The following IGHMBP2 variants were observed in gnomAD, a reference collection of about 807,000 sequenced individuals.
IGHMBP2 encodes DNA-binding protein SMUBP-2.
Under a neutral mutation model 96.0 loss-of-function variants are expected in IGHMBP2, and 81 were observed. That is an observed-to-expected ratio of 0.84 (90% CI 0.71 to 1.01). The LOEUF (loss-of-function observed/expected upper bound fraction) is 1.01. Ranked by LOEUF, IGHMBP2 falls within the 50% of genes least tolerant of loss-of-function variation. The pLI is 0.00. For synonymous variants in IGHMBP2, 557 were observed against 548.9 expected (o/e 1.01, Z -0.21); for missense variants, 1,227 against 1,306.3 (o/e 0.94, Z 0.94).
At chr11:68,924,539 A>C (rs1191809881) in intron 7 of IGHMBP2, among the ~76,000 whole-genome samples, 1 of 152,236 alleles carries the variant, frequency 6.6e-6, no homozygotes, top group Admixed American at 6.5e-5. Flanking sequence ...ATCTTTCTTC[A>C]GGCTCACGTG....
chr11:68,929,468 T>C (rs1352649157), intron 8 of IGHMBP2, 111 bp downstream of exon 8: 5 of 1,024,196 alleles, frequency 4.9e-6, no homozygotes, highest in Non-Finnish European at 7.3e-6. Context: ...GCCTCCTCGG[T>C]TTCTCGGCAC....
At position 68,936,223 on chromosome 11, in the gene IGHMBP2, C is replaced by T. The variant is rs1409670364; in HGVS notation, c.1757-14C>T. 1.2e-6 allele frequency: 2 copies of T among 1,613,628 alleles called. No homozygotes were observed. Among genetic ancestry groups the T allele is most frequent in the South Asian group, 1.1e-5 (1 of 91,074 alleles). On this transcript the variant is annotated splice_polypyrimidine_tract_variant and intron_variant, in intron 12 of 14. Transcript: ENST00000255078. ...TCTGAAACCTGCTTCTCACTCCCCT[C>T]TGGCCTTTTGTAGGTGAAGTTGGTT...
At chr11:68,906,415 C>T (rs1414811227) in intron 2 of IGHMBP2, 177 bp downstream of exon 2, 6 of 720,212 alleles carry the variant, frequency 8.3e-6, no homozygotes, top group Admixed American at 4.4e-5. Context: ...TCAGCGTTGT[C>T]CAAAATGGTA....
chr11:68,913,357 G>C (rs1208001615), intron 5 of IGHMBP2, among the ~76,000 whole-genome samples: 5 of 152,140 alleles, frequency 3.3e-5, no homozygotes, highest in African/African-American at 1.2e-4. Flanking sequence ...TATGCCTTTG[G>C]ACATGCCAGT....
rs546845157 is a variant in IGHMBP2 at position 68,935,295 on chromosome 11, T to G, written c.1633-4T>G. On this transcript the variant is annotated splice_polypyrimidine_tract_variant and splice_region_variant and intron_variant, in intron 11 of 14. Coordinates refer to ENST00000255078, the MANE Select transcript of IGHMBP2 (RefSeq NM_002180.3). ...AGGAAACCACAGCCCGGCTGGTGTT[T>G]CAGGTGGACCTGCTCAGACAGAGCC... is the stretch of plus-strand genomic sequence containing the variant. 6.2e-7 allele frequency: 1 copy of G among 1,613,918 alleles called. No homozygotes were observed. The highest frequency in any genetic ancestry group is 1.3e-5 in the African/African-American group (1 of 75,056).
chr11:68,930,079 C>T (rs1014783065), intron 8 of IGHMBP2: 13 of 1,167,068 alleles, frequency 1.1e-5, no homozygotes, highest in Admixed American at 4.0e-5. Context: ...GTGTGGCGGG[C>T]GTGCCCTCTC....
chr11:68,904,067 C>G (rs1489224294), intron 1 of IGHMBP2, 29 bp downstream of exon 1: 4 of 1,526,144 alleles, frequency 2.6e-6, no homozygotes, highest in Non-Finnish European at 2.7e-6. Context: ...GCCGCTCCCT[C>G]GCGGTCGGTC....
At chr11:68,914,777 G>A in intron 5 of IGHMBP2, 46 bp from the exon 6 acceptor site, 1 of 1,602,300 alleles carries the variant, frequency 6.2e-7, no homozygotes, top group Non-Finnish European at 8.6e-7. Context: ...AACTTCAGTG[G>A]TTTGATTACA....
At chr11:68,929,495 T>G in intron 8 of IGHMBP2, 138 bp downstream of exon 8, 1 of 830,324 alleles carries the variant, frequency 1.2e-6, no homozygotes, top group South Asian at 1.7e-5. Context: ...TACCCCGTCT[T>G]ACAGCATTCA....
Position 68,906,120 on chromosome 11 carries a change from T to A in IGHMBP2, c.138T>A (p.Cys46Ter), listed in dbSNP as rs372000714. ...SLKELQSRGV[C>*]LLKLQVSSQR... ...AAGAGCTCCAGAGCCGAGGCGTGTG[T>A]TTGCTGAAGCTGCAGGTATCCAGCC... The change falls in exon 2 of 15, where the codon TGT becomes TGA. Residue 46 changes from cysteine to a stop codon, truncating the protein, a stop_gained. Coordinates refer to ENST00000255078, the MANE Select transcript of IGHMBP2 (RefSeq NM_002180.3). LOFTEE classifies it high-confidence loss of function. 9.3e-6 allele frequency: 15 copies of A among 1,614,080 alleles called. No homozygotes were observed. The highest frequency in any genetic ancestry group is 1.3e-5 in the Non-Finnish European group (15 of 1,180,040).
In IGHMBP2 at chr11:68,937,945, C is replaced by T; in HGVS notation, c.2612-237C>T. On this transcript the variant is annotated intron_variant, in intron 13 of 14. Coordinates refer to ENST00000255078, the MANE Select transcript of IGHMBP2 (RefSeq NM_002180.3). The stretch of plus-strand genomic sequence containing the variant: ...CTGACAGGGTAGCAGAGGGAAGACA[C>T]ATGAGCTGCTTTTTAATTTTTTTTA... 4 of 559,976 alleles carry T rather than the reference C, an allele frequency of 7.1e-6. No individual in the cohort carries two copies. In the South Asian group the frequency reaches 7.9e-5, roughly 11 times the overall value. The allele number at this position is 559,976 out of a possible 1,614,324, so 34.7% of individuals were successfully genotyped here.
chr11:68,924,405 C>T (rs940571482), intron 7 of IGHMBP2, among the ~76,000 whole-genome samples: 3 of 152,220 alleles, frequency 2.0e-5, no homozygotes, highest in African/African-American at 7.2e-5. Flanking sequence ...GTTTATTATT[C>T]TACAGTTTAT....
intron 2 of IGHMBP2, among the ~76,000 whole-genome samples, chr11:68,906,640 C>CTT (rs60710565): frequency 0.01 from 1,176 of 117,536 alleles, 46 homozygotes; most frequent in African/African-American, 0.028. Context: ...CATTTCTTTT[C>CTT]TTTTTTTTTT....
intron 8 of IGHMBP2, chr11:68,930,078 G>C (rs1818303995): frequency 3.4e-6 from 4 of 1,170,418 alleles, no homozygotes; most frequent in Non-Finnish European, 4.3e-6. Flanking sequence ...GGTGTGGCGG[G>C]CGTGCCCTCT....
At chr11:68,932,959 C>T (rs574854284) in intron 8 of IGHMBP2, 33 of 390,460 alleles carry the variant, frequency 8.5e-5, no homozygotes, top group South Asian at 5.7e-4. Flanking sequence ...TCTCTCCCCT[C>T]GGTGACCTTC....
chr11:68,937,479 A>G lies in IGHMBP2; in HGVS notation c.2611+388A>G, dbSNP rs538091832. On this transcript the variant is annotated intron_variant, in intron 13 of 14. Transcript: ENST00000255078. ...GAGGTCTTGCACAGCGAAAGGGTGC[A>G]CTCTGCCTGGAAGTTGTCCTGGGCA... is the stretch of plus-strand genomic sequence containing the variant. Among the ~76,000 whole-genome samples, 4 of 152,300 alleles carry G rather than the reference A, an allele frequency of 2.6e-5. No individual in the cohort carries two copies. The South Asian group carries it at 8.3e-4, about 32-fold the overall frequency.
At chr11:68,913,055 A>AAAAAAAC (rs1858502555) in intron 5 of IGHMBP2, among the ~76,000 whole-genome samples, 1 of 150,336 alleles carries the variant, frequency 6.7e-6, no homozygotes. Flanking sequence ...AAAAAAAAAA[A>AAAAAAAC]AAAAAAAAAA....
intron 4 of IGHMBP2, among the ~76,000 whole-genome samples, chr11:68,909,169 T>C (rs1306739322): frequency 1.3e-5 from 1 of 77,540 alleles, no homozygotes; most frequent in East Asian, 3.6e-4. Flanking sequence ...AAAAAATTTT[T>C]TTTTGGCGGG....
chr11:68,914,906 G>A lies in IGHMBP2; in HGVS notation c.795G>A (p.Leu265=), dbSNP rs1858589160. Residue 265 remains leucine, a synonymous_variant, in exon 6 of 15, where the codon CTG becomes CTA. Transcript: ENST00000255078. ...TGTGTAAGCAGCGGATTCTGCGCCT[G>A]GGACACCCTGCCCGCCTCCTGGAGT... is the stretch of plus-strand genomic sequence containing the variant. ...LALCKQRILR[L]GHPARLLESI... 1.2e-6 allele frequency: 2 copies of A among 1,614,198 alleles called. No homozygotes were observed. The highest frequency in any genetic ancestry group is 4.5e-5 in the East Asian group (2 of 44,876).
Sources: allele counts gnomAD v4.1 joint callset (sites outside exome capture counted in the v4.1 genomes callset), GRCh38; gene constraint gnomAD v4.1.1; transcripts MANE v1.5; gene names NCBI Gene and HGNC (gene_info 2026-07-23, HGNC 2026-07-21).